DLC1: variants seen among roughly 807,000 people sequenced by gnomAD.
DLC1 encodes DLC1 Rho GTPase activating protein.
In DLC1, 54 loss-of-function variants were observed where a neutral mutation model predicts 140.3. The observed-to-expected ratio is 0.38, with a 90% CI of 0.31 to 0.48. The LOEUF (loss-of-function observed/expected upper bound fraction) is 0.48. DLC1 is among the 20% of genes least tolerant of loss of function. DLC1 has a pLI of 0.96. For missense variants in DLC1, 2,536 were observed against 1,907.0 expected (o/e 1.33, Z -6.14); for synonymous variants, 986 against 728.1 (o/e 1.35, Z -5.70).
intron 4 of DLC1, among the ~76,000 whole-genome samples, chr8:13,360,863 A>G (rs1286842234): frequency 6.6e-6 from 1 of 150,646 alleles, no homozygotes; most frequent in East Asian, 1.9e-4. Context: ...GGCTGGGCTC[A>G]TGTTTTATAC....
chr8:13,350,518 C>A (rs181009861), intron 4 of DLC1, among the ~76,000 whole-genome samples: 13 of 152,144 alleles, frequency 8.5e-5, no homozygotes, highest in Admixed American at 4.6e-4. Flanking sequence ...GAGTTTGAAA[C>A]CAGCCAGGCC....
chr8:13,349,415 T>C (rs1355396193), intron 4 of DLC1, among the ~76,000 whole-genome samples: 2 of 151,982 alleles, frequency 1.3e-5, no homozygotes, highest in African/African-American at 4.8e-5. Flanking sequence ...AAAAACGGAA[T>C]ACATAAAGTA....
intron 5 of DLC1, among the ~76,000 whole-genome samples, chr8:13,205,162 C>G (rs960641664): frequency 6.6e-6 from 1 of 152,144 alleles, no homozygotes; most frequent in Non-Finnish European, 1.5e-5. Flanking sequence ...GAGTTCATTT[C>G]AGTCTGCAGA....
intron 2 of DLC1, among the ~76,000 whole-genome samples, chr8:13,463,971 AG>A (rs1375115990): frequency 2.0e-5 from 3 of 152,200 alleles, no homozygotes; most frequent in African/African-American, 7.2e-5. Flanking sequence ...AATAAAAAGA[AG>A]AGAGAAAAAG....
intron 5 of DLC1, among the ~76,000 whole-genome samples, chr8:13,122,020 A>G (rs1442403012): frequency 2.6e-5 from 4 of 152,234 alleles, no homozygotes; most frequent in Middle Eastern, 3.4e-3. Flanking sequence ...TTCGTCCTGG[A>G]CTTTTTCACC....
At chr8:13,370,577 A>G (rs1191587129) in intron 4 of DLC1, among the ~76,000 whole-genome samples, 1 of 152,140 alleles carries the variant, frequency 6.6e-6, no homozygotes, top group East Asian at 1.9e-4. Flanking sequence ...TTCCTCCCAT[A>G]AAGGGCCTAA....
intron 1 of DLC1, among the ~76,000 whole-genome samples, chr8:13,500,676 G>A (rs908538752): frequency 1.3e-5 from 2 of 151,954 alleles, no homozygotes; most frequent in African/African-American, 4.8e-5. Context: ...GACAGCATGT[G>A]TAATGTATTA....
intron 5 of DLC1, among the ~76,000 whole-genome samples, chr8:13,256,403 T>A (rs1830228235): frequency 6.6e-6 from 1 of 152,188 alleles, no homozygotes; most frequent in Non-Finnish European, 1.5e-5. Flanking sequence ...ATCATTCTAC[T>A]ATAAAGACAC....
chr8:13,357,764 C>T (rs1170223888), intron 4 of DLC1, among the ~76,000 whole-genome samples: 1 of 152,132 alleles, frequency 6.6e-6, no homozygotes, highest in African/African-American at 2.4e-5. Context: ...ATGTTGAACT[C>T]TTATGAAAAT....
At chr8:13,149,272 G>T (rs1181697138) in intron 5 of DLC1, among the ~76,000 whole-genome samples, 1 of 152,040 alleles carries the variant, frequency 6.6e-6, no homozygotes, top group African/African-American at 2.4e-5. Context: ...CTAGCTCCTT[G>T]TTCATATATG....
intron 2 of DLC1, among the ~76,000 whole-genome samples, chr8:13,433,318 A>T (rs1003196941): frequency 6.6e-6 from 1 of 152,140 alleles, no homozygotes; most frequent in Non-Finnish European, 1.5e-5. Context: ...AGTAAGGCTT[A>T]ATGGGCAGGA....
chr8:13,521,066 C>T (rs1292583336), intron 1 of DLC1, among the ~76,000 whole-genome samples: 1 of 152,090 alleles, frequency 6.6e-6, no homozygotes, highest in Non-Finnish European at 1.5e-5. Context: ...GAATACTTTG[C>T]AGCCATAAAA....
chr8:13,145,223 C>T (rs546253174), intron 5 of DLC1, among the ~76,000 whole-genome samples: 41 of 151,702 alleles, frequency 2.7e-4, no homozygotes, highest in Non-Finnish European at 5.2e-4. Flanking sequence ...CTTATATTAG[C>T]AAAGAAGAAA....
Position 13,200,471 on chromosome 8 carries a change from A to T in DLC1, c.1349-84814T>A, listed in dbSNP as rs536198306. Among the ~76,000 whole-genome samples, 310 of 152,312 alleles carry T rather than the reference A, an allele frequency of 2.0e-3. 1 individual carries two copies. Among genetic ancestry groups the T allele is most frequent in the African/African-American group, 7.3e-3 (304 of 41,570 alleles). On this transcript the variant is annotated intron_variant, in intron 5 of 17. Transcript: ENST00000276297. Reference sequence around the variant, plus strand: ...AAAGTGGCAGAGCTGATTCCTAACCAGACGAATTGGTTTAGGAACCCACAT... The same window carrying T: ...AAAGTGGCAGAGCTGATTCCTAACCTGACGAATTGGTTTAGGAACCCACAT...
chr8:13,243,748 G>A lies in DLC1; in HGVS notation c.1348+61521C>T, dbSNP rs533225501. ...CAAGAAAATTGAGGTCATCAGCTGC[G>A]AACAACATCAAGTTACTAGCAACAT... On this transcript the variant is annotated intron_variant, in intron 5 of 17. Coordinates refer to ENST00000276297, the MANE Select transcript of DLC1 (RefSeq NM_182643.3). Among the ~76,000 whole-genome samples, 202 of 152,210 alleles carry A rather than the reference G, an allele frequency of 1.3e-3. 1 individual carries two copies. In the South Asian group the frequency reaches 0.034, roughly 25 times the overall value.
intron 1 of DLC1, among the ~76,000 whole-genome samples, chr8:13,576,700 G>A (rs747500343): frequency 2.2e-4 from 33 of 152,146 alleles, no homozygotes; most frequent in Non-Finnish European, 3.5e-4. Flanking sequence ...CGTGTCCTCA[G>A]TGAGTGTGTC....
At chr8:13,599,574 A>T (rs1001762291) in intron 1 of DLC1, among the ~76,000 whole-genome samples, 1 of 152,016 alleles carries the variant, frequency 6.6e-6, no homozygotes, top group Admixed American at 6.6e-5. Context: ...CCAAGAACCT[A>T]AATATCTAGA....
upstream of DLC1, among the ~76,000 whole-genome samples, chr8:13,519,310 A>T (rs1193062558): frequency 1.3e-5 from 2 of 151,926 alleles, no homozygotes; most frequent in Non-Finnish European, 2.9e-5. Flanking sequence ...TTGTATTTTT[A>T]GTAGAGACGG....
chr8:13,596,580 TG>T (rs780828643), intron 1 of DLC1, among the ~76,000 whole-genome samples: 1 of 152,008 alleles, frequency 6.6e-6, no homozygotes, highest in Non-Finnish European at 1.5e-5. Context: ...AAAGAGTGCT[TG>T]TGCTTTGAAT....
Sources: gnomAD v4.1 joint callset for allele counts (sites outside exome capture counted in the v4.1 genomes callset) on GRCh38, gnomAD v4.1.1 for gene constraint, MANE v1.5 for transcripts, NCBI Gene and HGNC (gene_info 2026-07-23, HGNC 2026-07-21) for gene names.